Variants in SNX29 observed in about 807,000 individuals in gnomAD.
The protein encoded by SNX29 is sorting nexin-29.
In SNX29, 78 loss-of-function variants were observed where a neutral mutation model predicts 102.1. The ratio of observed to expected loss-of-function variants is 0.76; its 90% CI spans 0.64 to 0.92. SNX29 has a LOEUF of 0.92. Ranked by LOEUF, SNX29 falls within the 40% of genes least tolerant of loss-of-function variation. The pLI, the probability that SNX29 is intolerant of heterozygous loss-of-function variation, is 0.00. For synonymous variants in SNX29, 580 were observed against 414.5 expected, an observed-to-expected ratio of 1.40 and a Z score of -4.85; for missense variants, 1,280 against 1,061.7, an observed-to-expected ratio of 1.21 and a Z score of -2.86.
chr16:12,552,004 C>T (rs1168086532), intron 20 of SNX29, among the ~76,000 whole-genome samples: 1 of 152,156 alleles, frequency 6.6e-6, no homozygotes, highest in Admixed American at 6.5e-5. Context: ...CCTGCTGGTC[C>T]CTGTCTCTAA....
rs531234959 is a variant in SNX29, at chr16:12,270,156, C to G, written c.1679-7777C>G. 2.0e-5 allele frequency among the ~76,000 whole-genome samples: 3 copies of G among 152,280 alleles called. No homozygotes were observed. In the East Asian group the frequency reaches 5.8e-4, roughly 29 times the overall value. ...AGATTACAGATGTGAGCCACCACGT[C>G]CAGCCCCGTTCTTTCAGTTTTAAAA... On this transcript the variant is annotated intron_variant, in intron 14 of 20. Coordinates refer to ENST00000566228, the MANE Select transcript of SNX29 (RefSeq NM_032167.5).
chr16:12,106,456 G>A (rs986212571), intron 11 of SNX29, among the ~76,000 whole-genome samples: 4 of 151,718 alleles, frequency 2.6e-5, no homozygotes, highest in Non-Finnish European at 5.9e-5. Context: ...CCCCCTCCTC[G>A]GCCCCCTCCT....
At chr16:12,224,406 C>T (rs534582785) in intron 14 of SNX29, among the ~76,000 whole-genome samples, 2 of 152,300 alleles carry the variant, frequency 1.3e-5, no homozygotes, top group South Asian at 4.2e-4. Context: ...CATGGTCACT[C>T]CCCCTGGGGC....
intron 16 of SNX29, among the ~76,000 whole-genome samples, chr16:12,383,259 A>C (rs1050796227): frequency 7.2e-5 from 11 of 152,106 alleles, no homozygotes; most frequent in Non-Finnish European, 1.2e-4. Context: ...ATCTTTACAT[A>C]CAGGGATTAT....
chr16:12,425,052 C>T (rs1279136950), intron 18 of SNX29, among the ~76,000 whole-genome samples: 1 of 152,170 alleles, frequency 6.6e-6, no homozygotes, highest in Non-Finnish European at 1.5e-5. Flanking sequence ...ATCTCATAAA[C>T]AATGTTGAGT....
intron 1 of SNX29, among the ~76,000 whole-genome samples, chr16:11,978,625 C>T (rs956986982): frequency 6.6e-6 from 1 of 151,974 alleles, no homozygotes; most frequent in Admixed American, 6.6e-5. Flanking sequence ...GGACTAGGCA[C>T]TGTCTGAAAA....
intron 10 of SNX29, among the ~76,000 whole-genome samples, chr16:12,076,491 G>A (rs931169244): frequency 1.2e-4 from 19 of 152,120 alleles, no homozygotes; most frequent in East Asian, 9.7e-4. Flanking sequence ...CAGTAGAGAC[G>A]GAGTTTCGCC....
rs1479778255 is a variant in SNX29, at chr16:12,098,478, G to T, written c.1402+19563G>T. On this transcript the variant is annotated intron_variant, in intron 11 of 20. Transcript: ENST00000566228. This position sits in a 1 kb window ranked among gnomAD's most constrained non-coding sequence, Gnocchi z 6.0. ...TTGCAGTGGCCACCGCGTGCCCTTTGATGGGACGTTACATTGCATTTCAGC... is the reference window on the plus strand; with the variant it reads ...TTGCAGTGGCCACCGCGTGCCCTTTTATGGGACGTTACATTGCATTTCAGC... 1.3e-5 allele frequency among the ~76,000 whole-genome samples: 2 copies of T among 152,182 alleles called. No individual in the cohort carries two copies. The highest frequency in any genetic ancestry group is 4.8e-5 in the African/African-American group (2 of 41,438).
chr16:12,568,879 G>T lies in SNX29; in HGVS notation c.*250G>T, dbSNP rs2079123358. 1 of 568,172 alleles carries T rather than the reference G, an allele frequency of 1.8e-6. No individual in the cohort carries two copies. The allele number at this position is 568,172 out of a possible 1,614,324, so 35.2% of individuals were successfully genotyped here. ...GGACACACAGTCCTTCTGCTTCTGG[G>T]GTCTACCCTGGGCTGCAAGGGCTGT... On this transcript the variant is annotated 3_prime_UTR_variant, in exon 21 of 21. Coordinates refer to ENST00000566228, the MANE Select transcript of SNX29 (RefSeq NM_032167.5).
chr16:12,441,059 T>C lies in SNX29; in HGVS notation c.2038-36660T>C, dbSNP rs374732608. 2.8e-3 allele frequency among the ~76,000 whole-genome samples: 425 copies of C among 151,856 alleles called. 26 individuals carry two copies. The South Asian group carries it at 0.083, about 30-fold the overall frequency. On this transcript the variant is annotated intron_variant, in intron 18 of 20. Transcript: ENST00000566228. ...TAGCGTAATATCCTCAAGTTTCATC[T>C]GTGTTGTAGCATGCATCGCTACTTC...
At chr16:12,433,630 C>CAAAAAAA (rs1235730528) in intron 18 of SNX29, among the ~76,000 whole-genome samples, 1,765 of 54,874 alleles carry the variant, frequency 0.032, 46 homozygotes, top group East Asian at 0.22. Context: ...GACTGCGTCT[C>CAAAAAAA]AAAAAAAAAA....
intron 16 of SNX29, among the ~76,000 whole-genome samples, chr16:12,385,858 AC>A (rs2083322712): frequency 6.6e-6 from 1 of 152,220 alleles, no homozygotes; most frequent in African/African-American, 2.4e-5. Context: ...AAGATGGACA[AC>A]ATTCTCTGGG....
At chr16:12,497,417 G>T (rs2088885610) in intron 19 of SNX29, among the ~76,000 whole-genome samples, 1 of 152,124 alleles carries the variant, frequency 6.6e-6, no homozygotes, top group Non-Finnish European at 1.5e-5. Flanking sequence ...GTTAAATTAG[G>T]GTGTGGGAGC....
chr16:12,338,418 C>G (rs899911258), intron 15 of SNX29, among the ~76,000 whole-genome samples: 2 of 152,142 alleles, frequency 1.3e-5, no homozygotes, highest in Non-Finnish European at 2.9e-5. Flanking sequence ...GCCTTCCCCC[C>G]GGGAGGTATT....
At chr16:12,511,109 T>C (rs2089598989) in intron 19 of SNX29, among the ~76,000 whole-genome samples, 1 of 152,212 alleles carries the variant, frequency 6.6e-6, no homozygotes, top group Non-Finnish European at 1.5e-5. Flanking sequence ...ACCACAGATT[T>C]CTCACTGTGC....
At chr16:12,021,359 G>C (rs1434537023) in intron 3 of SNX29, among the ~76,000 whole-genome samples, 2 of 152,044 alleles carry the variant, frequency 1.3e-5, no homozygotes. Context: ...CCAGGAGACA[G>C]AGGTTGCAGT....
intron 19 of SNX29, among the ~76,000 whole-genome samples, chr16:12,523,268 G>C (rs1473742654): frequency 6.6e-6 from 1 of 152,216 alleles, no homozygotes; most frequent in Admixed American, 6.5e-5. Context: ...GGCCTCCTGG[G>C]CGAGGTACCG....
rs901695256 is a variant in SNX29 at position 12,569,025 on chromosome 16, C to G, written c.*396C>G. The G allele has an allele frequency of 4.1e-6, 1 of 245,996 alleles. No individual in the cohort carries two copies. The highest frequency in any genetic ancestry group is 2.2e-5 in the African/African-American group (1 of 45,494). The allele number at this position is 245,996 out of a possible 1,614,324, so 15.2% of individuals were successfully genotyped here. A position where few individuals can be genotyped will look rare whatever the true frequency, so the allele number is the denominator to read the frequency against. The stretch of plus-strand genomic sequence containing the variant: ...AGGAAGGTTCATGCAGAGCCAGCCT[C>G]TCCACTCTTTCCCACGTGGGGACTA... On this transcript the variant is annotated 3_prime_UTR_variant, in exon 21 of 21. Transcript: ENST00000566228.
chr16:12,266,518 A>T (rs2078933670), intron 14 of SNX29, among the ~76,000 whole-genome samples: 1 of 152,074 alleles, frequency 6.6e-6, no homozygotes, highest in Non-Finnish European at 1.5e-5. Flanking sequence ...CACTTAGGAG[A>T]TTCCAAGGGA....
Sources: allele counts gnomAD v4.1 joint callset (sites outside exome capture counted in the v4.1 genomes callset), GRCh38; gene constraint gnomAD v4.1.1; non-coding constraint Gnocchi (gnomAD v3.1); transcripts MANE v1.5; gene names NCBI Gene and HGNC (gene_info 2026-07-23, HGNC 2026-07-21).